Variants in HECW2 observed in about 807,000 individuals in gnomAD.
HECW2 encodes the protein E3 ubiquitin-protein ligase HECW2.
Under a neutral mutation model 175.2 loss-of-function variants are expected in HECW2, and 61 were observed. The ratio of observed to expected loss-of-function variants is 0.35; its 90% CI spans 0.28 to 0.43. HECW2 has a LOEUF of 0.43. HECW2 is among the 20% of genes least tolerant of loss of function. The probability of loss-of-function intolerance (pLI) is 1.00; values close to 1 mark genes in which losing one functional copy is unlikely to be tolerated. For missense variants in HECW2, 1,524 were observed against 2,000.5 expected (o/e 0.76, Z 4.54); for synonymous variants, 671 against 731.0 (o/e 0.92, Z 1.32).
chr2:196,578,992 CA>C (rs1690664193), intron 1 of HECW2, among the ~76,000 whole-genome samples: 1 of 152,030 alleles, frequency 6.6e-6, no homozygotes, highest in Non-Finnish European at 1.5e-5. Context: ...ATTTAAATGA[CA>C]ATTGCATAAA....
chr2:196,234,288 T>G (rs1397466989), intron 21 of HECW2, among the ~76,000 whole-genome samples: 1 of 151,930 alleles, frequency 6.6e-6, no homozygotes, highest in Middle Eastern at 3.2e-3. Flanking sequence ...AGTTTTTTTT[T>G]TTTTTTAAAG....
chr2:196,363,962 T>C (rs764190316), intron 2 of HECW2, among the ~76,000 whole-genome samples: 10 of 152,250 alleles, frequency 6.6e-5, no homozygotes, highest in Non-Finnish European at 1.2e-4. Flanking sequence ...TCTCTGTTTT[T>C]ATCCCCAGGC....
chr2:196,501,897 C>T (rs953343105), intron 1 of HECW2, among the ~76,000 whole-genome samples: 8 of 152,144 alleles, frequency 5.3e-5, no homozygotes, highest in African/African-American at 1.7e-4. Flanking sequence ...TTTCCTAAGC[C>T]TTCATCTATC....
chr2:196,296,069 T>C (rs1690800665), intron 13 of HECW2, among the ~76,000 whole-genome samples: 1 of 151,892 alleles, frequency 6.6e-6, no homozygotes, highest in Non-Finnish European at 1.5e-5. Context: ...GACTGCTATG[T>C]TTCTATAAAA....
At chr2:196,231,060 C>G (rs1198483267) in intron 21 of HECW2, among the ~76,000 whole-genome samples, 1 of 135,412 alleles carries the variant, frequency 7.4e-6, no homozygotes, top group African/African-American at 2.8e-5. Flanking sequence ...CGCCTCTGCA[C>G]TCCAGCCTGG....
chr2:196,255,147 ATTTT>A (rs768416431), intron 18 of HECW2, among the ~76,000 whole-genome samples: 6 of 95,428 alleles, frequency 6.3e-5, no homozygotes, highest in Admixed American at 1.5e-4. Context: ...TAATTTTTCT[ATTTT>A]TTTTTTTTTT....
At chr2:196,574,128 C>A (rs1015026423) in intron 1 of HECW2, among the ~76,000 whole-genome samples, 9 of 150,560 alleles carry the variant, frequency 6.0e-5, no homozygotes, top group Admixed American at 5.9e-4. Flanking sequence ...TTTACAATAG[C>A]GACAAAAAAC....
chr2:196,319,494 C>A lies in HECW2; in HGVS notation c.1396G>T (p.Asp466Tyr). Residue 466 changes from aspartate (D) to tyrosine (Y), a missense_variant, in exon 9 of 29, where the codon GAT (aspartate) becomes TAT (tyrosine). Around this residue, in one of 11 missense-constraint regions of HECW2, gnomAD observed 604 missense variants for 588.3 expected, o/e 1.03. Coordinates refer to ENST00000644978, the MANE Select transcript of HECW2 (RefSeq NM_001348768.2). ...TGCTGGAACTCGTGATCTTCTTCATCTGAATCAATATGAAGCATGGCATTG... is the reference window on the plus strand; with the variant it reads ...TGCTGGAACTCGTGATCTTCTTCATATGAATCAATATGAAGCATGGCATTG... ...RLNAMLHIDS[D>Y]EEDHEFQQDL... 6.2e-7 allele frequency: 1 copy of A among 1,614,148 alleles called. No homozygotes were observed. Among genetic ancestry groups the A allele is most frequent in the Non-Finnish European group, 8.5e-7 (1 of 1,180,026 alleles).
At chr2:196,508,870 C>T (rs1687852182) in intron 1 of HECW2, among the ~76,000 whole-genome samples, 1 of 152,118 alleles carries the variant, frequency 6.6e-6, no homozygotes, top group African/African-American at 2.4e-5. Flanking sequence ...TGTAAAAATG[C>T]ATCCTGGCTA....
chr2:196,400,589 A>G (rs1432131881), intron 2 of HECW2, among the ~76,000 whole-genome samples: 1 of 152,210 alleles, frequency 6.6e-6, no homozygotes, highest in Non-Finnish European at 1.5e-5. Flanking sequence ...CTCCTATTCC[A>G]TAGCCTAAAG....
intron 17 of HECW2, among the ~76,000 whole-genome samples, chr2:196,258,628 G>A (rs1025094562): frequency 6.6e-6 from 1 of 152,024 alleles, no homozygotes; most frequent in Non-Finnish European, 1.5e-5. Flanking sequence ...TCATCATCAT[G>A]TCACTATTTT....
At chr2:196,260,676 T>C (rs1382180039) in intron 17 of HECW2, 1 of 152,264 alleles carries the variant, frequency 6.6e-6, no homozygotes, top group Non-Finnish European at 1.5e-5. Context: ...ATTAGTTTAC[T>C]GCCTGTAAAG....
Position 196,322,562 on chromosome 2 carries a change from A to T in HECW2, c.800T>A (p.Phe267Tyr). 6.2e-7 allele frequency: 1 copy of T among 1,613,838 alleles called. No individual in the cohort carries two copies. The highest frequency in any genetic ancestry group is 8.5e-7 in the Non-Finnish European group (1 of 1,179,734). ...DVLEIEIKDK[F>Y]AKSRPIIKRF... is the part of the protein sequence containing the mutation. ...CTTGATGATGGGACGGCTCTTGGCAAATTTGTCTTTAATTTCAATTTCTAA... is the reference window on the plus strand; with the variant it reads ...CTTGATGATGGGACGGCTCTTGGCATATTTGTCTTTAATTTCAATTTCTAA... Residue 267 changes from phenylalanine to tyrosine, a missense_variant, in exon 7 of 29, where the codon TTT becomes TAT. By Grantham distance (22) the Phe-to-Tyr change is conservative. Transcript: ENST00000644978.
At chr2:196,265,014 T>C (rs1346530274) in intron 17 of HECW2, among the ~76,000 whole-genome samples, 1 of 152,150 alleles carries the variant, frequency 6.6e-6, no homozygotes, top group African/African-American at 2.4e-5. Context: ...CCATGATATT[T>C]TGGCCCTCAG....
rs1442935526 is a variant in HECW2, at chr2:196,350,673, T to C, written c.293-6909A>G. On this transcript the variant is annotated intron_variant, in intron 2 of 28. Coordinates refer to ENST00000644978, the MANE Select transcript of HECW2 (RefSeq NM_001348768.2). The stretch of plus-strand genomic sequence containing the variant: ...TATTGACTGACTACTATGAAGACCA[T>C]AAGCATCTATTTCCTGCCATAAGCA... Among the ~76,000 whole-genome samples, 6 of 148,392 alleles carry C rather than the reference T, an allele frequency of 4.0e-5. No homozygotes were observed. The Middle Eastern group carries it at 0.014, about 336-fold the overall frequency.
At chr2:196,417,305 C>T (rs1351601977) in intron 2 of HECW2, among the ~76,000 whole-genome samples, 1 of 152,098 alleles carries the variant, frequency 6.6e-6, no homozygotes, top group African/African-American at 2.4e-5. Context: ...TTGAGTGAAA[C>T]TTATTTAAAA....
chr2:196,434,771 T>C (rs1695821713), intron 1 of HECW2, among the ~76,000 whole-genome samples: 1 of 152,210 alleles, frequency 6.6e-6, no homozygotes, highest in Admixed American at 6.5e-5. Flanking sequence ...CAAACCCTAT[T>C]GGGTCCTGGG....
chr2:196,237,872 G>A (rs1051760627), intron 21 of HECW2, among the ~76,000 whole-genome samples: 1 of 152,120 alleles, frequency 6.6e-6, no homozygotes, highest in Non-Finnish European at 1.5e-5. Context: ...ACCAAAAGAT[G>A]CTTCGGGCTG....
intron 28 of HECW2, among the ~76,000 whole-genome samples, chr2:196,208,342 G>A (rs1429147604): frequency 2.0e-5 from 3 of 152,224 alleles, no homozygotes; most frequent in Non-Finnish European, 2.9e-5. Context: ...CTTGTCTGGA[G>A]TGGTCCAAAG....
Sources: allele counts gnomAD v4.1 joint callset (sites outside exome capture counted in the v4.1 genomes callset), GRCh38; gene constraint gnomAD v4.1.1; regional missense constraint gnomAD v4.1.1; transcripts MANE v1.5; gene names NCBI Gene and HGNC (gene_info 2026-07-23, HGNC 2026-07-21).